Variants in SIN3A observed in about 807,000 individuals in gnomAD.
SIN3A encodes paired amphipathic helix protein Sin3a.
Under a neutral mutation model 146.1 loss-of-function variants are expected in SIN3A, and 14 were observed. The ratio of observed to expected loss-of-function variants is 0.10; its 90% CI spans 0.06 to 0.15. SIN3A has a LOEUF of 0.15. Among genes scored for constraint, SIN3A ranks in the 10% least tolerant of loss-of-function variants. SIN3A has a pLI of 1.00. For synonymous variants in SIN3A, 572 were observed against 572.0 expected (o/e 1.00, Z 0.00); for missense variants, 1,028 against 1,576.0 (o/e 0.65, Z 5.89).
intron 7 of SIN3A, 42 bp downstream of exon 7, chr15:75,410,087 CTAAGA>C: frequency 6.2e-7 from 1 of 1,604,898 alleles, no homozygotes; most frequent in Non-Finnish European, 8.5e-7. Flanking sequence ...TCCAACTCAT[CTAAGA>C]TAATAATAGT....
chr15:75,442,975 G>A (rs1271506002), intron 1 of SIN3A, among the ~76,000 whole-genome samples: 2 of 151,012 alleles, frequency 1.3e-5, no homozygotes, highest in African/African-American at 2.4e-5. Context: ...AACTCATCTA[G>A]GGTACAGTCA....
rs2073990204 is a variant in SIN3A at position 75,430,103 on chromosome 15, C to T, written c.189+84G>A. On this transcript the variant is annotated intron_variant, in intron 2 of 20. Coordinates refer to ENST00000394947, the MANE Select transcript of SIN3A (RefSeq NM_001145358.2). ...ATACTCAACAATTTTTAATATCTAA[C>T]ACAGTATTAAAAAAAGTTTTATAAT... The T allele has an allele frequency of 1.4e-5, 14 of 983,602 alleles. No homozygotes were observed. The East Asian group carries it at 3.3e-4, about 23-fold the overall frequency. The allele number at this position is 983,602 out of a possible 1,614,324, so 60.9% of individuals were successfully genotyped here.
At chr15:75,431,213 C>T (rs1363754897) in intron 1 of SIN3A, among the ~76,000 whole-genome samples, 2 of 152,186 alleles carry the variant, frequency 1.3e-5, no homozygotes, top group African/African-American at 4.8e-5. Flanking sequence ...CTAGACTTGC[C>T]AATTTAAGAT....
intron 1 of SIN3A, among the ~76,000 whole-genome samples, chr15:75,448,513 G>C (rs1382393559): frequency 1.3e-5 from 2 of 151,072 alleles, no homozygotes; most frequent in East Asian, 3.9e-4. Flanking sequence ...AAAAAGTCTA[G>C]TGCCTAACAC....
At chr15:75,380,998 C>G (rs2072953851) in intron 18 of SIN3A, 2 of 272,016 alleles carry the variant, frequency 7.4e-6, no homozygotes, top group South Asian at 1.9e-4. Context: ...TTCATTTCCC[C>G]ACAGAGCATT....
intron 2 of SIN3A, among the ~76,000 whole-genome samples, chr15:75,425,464 G>A (rs2073909588): frequency 6.6e-6 from 1 of 152,130 alleles, no homozygotes; most frequent in African/African-American, 2.4e-5. Context: ...CACCGCGCCT[G>A]GCCTACTTGG....
chr15:75,410,365 T>C lies in SIN3A; in HGVS notation c.1009-79A>G, dbSNP rs2073609262. ...ATCTTTGCACGCTTTCTGGAATCAC[T>C]GTTATCTATTTAGGCTGCATGTAAG... On this transcript the variant is annotated intron_variant, in intron 6 of 20. Coordinates refer to ENST00000394947, the MANE Select transcript of SIN3A (RefSeq NM_001145358.2). The C allele has an allele frequency of 2.9e-6, 4 of 1,387,078 alleles. No individual in the cohort carries two copies. In the Admixed American group the frequency reaches 7.6e-5, roughly 26 times the overall value. 85.9% of individuals were successfully genotyped at this position (1,387,078 alleles called of 1,614,324 possible).
At chr15:75,411,135 T>C (rs1245986776) in intron 6 of SIN3A, among the ~76,000 whole-genome samples, 2 of 152,192 alleles carry the variant, frequency 1.3e-5, no homozygotes, top group African/African-American at 2.4e-5. Flanking sequence ...GAGACCAGCC[T>C]AGCCAACATA....
At chr15:75,393,035 GC>G (rs1462756907) in intron 14 of SIN3A, among the ~76,000 whole-genome samples, 1 of 152,176 alleles carries the variant, frequency 6.6e-6, no homozygotes, top group African/African-American at 2.4e-5. Flanking sequence ...TTTGAGATCA[GC>G]CTGGCCAATA....
At chr15:75,383,697 T>G (rs929649885) in intron 17 of SIN3A, among the ~76,000 whole-genome samples, 5 of 151,974 alleles carry the variant, frequency 3.3e-5, no homozygotes, top group African/African-American at 1.2e-4. Context: ...CCCGGCTAAT[T>G]TTTTGTATTT....
rs2073308932 is a variant in SIN3A, at chr15:75,396,585, C to A, written c.1855-89G>T. On this transcript the variant is annotated intron_variant, in intron 12 of 20. Transcript: ENST00000394947. ...TAGAAGAATAAGGTAGGGAGTCAAA[C>A]TCCTTGGATTTGAATCCTGGTTCTG... The A allele has an allele frequency of 2.6e-5, 25 of 946,352 alleles. No individual in the cohort carries two copies. The South Asian group carries it at 4.0e-4, about 15-fold the overall frequency. 58.6% of individuals were successfully genotyped at this position (946,352 alleles called of 1,614,324 possible). A position where few individuals can be genotyped will look rare whatever the true frequency, so the allele number is the denominator to read the frequency against.
At chr15:75,392,893 C>T (rs947070431) in intron 14 of SIN3A, 78 bp from the exon 15 acceptor site, 15 of 1,054,388 alleles carry the variant, frequency 1.4e-5, no homozygotes, top group Admixed American at 8.8e-5. Context: ...ATCAGCCATA[C>T]ATCCCATTAT....
chr15:75,442,680 A>G (rs957837085), intron 1 of SIN3A, among the ~76,000 whole-genome samples: 3 of 151,674 alleles, frequency 2.0e-5, no homozygotes, highest in African/African-American at 7.3e-5. Flanking sequence ...CTGTAATCCC[A>G]GCACTTTGGG....
chr15:75,397,274 G>C (rs1405497169), intron 12 of SIN3A, among the ~76,000 whole-genome samples: 1 of 152,202 alleles, frequency 6.6e-6, no homozygotes, highest in Non-Finnish European at 1.5e-5. Flanking sequence ...GAATGTGGTA[G>C]TCATTTGGTC....
At chr15:75,438,087 G>A (rs189514001) in intron 1 of SIN3A, among the ~76,000 whole-genome samples, 326 of 152,284 alleles carry the variant, frequency 2.1e-3, no homozygotes, top group African/African-American at 7.1e-3. Flanking sequence ...AAAACTGGGC[G>A]CGGTGGTTCA....
intron 1 of SIN3A, among the ~76,000 whole-genome samples, chr15:75,432,403 TTGGCCGGATGCAG>T (rs2074027423): frequency 6.6e-6 from 1 of 152,142 alleles, no homozygotes; most frequent in African/African-American, 2.4e-5. Flanking sequence ...CAATACTTTA[TTGGCCGGATGCAG>T]TGGCTCACAC....
intron 2 of SIN3A, 77 bp downstream of exon 2, chr15:75,430,110 T>C (rs550309634): frequency 7.1e-6 from 8 of 1,122,204 alleles, no homozygotes; most frequent in African/African-American, 1.6e-5. Flanking sequence ...TAACACAGTA[T>C]TAAAAAAAGT....
chr15:75,410,416 G>T (rs768073923), intron 6 of SIN3A, 130 bp from the exon 7 acceptor site: 4 of 807,076 alleles, frequency 5.0e-6, no homozygotes, highest in East Asian at 2.7e-5. Context: ...CTTAGCACCC[G>T]TTCTGACCAC....
chr15:75,412,382 CTAGT>C (rs1315799462), intron 5 of SIN3A, among the ~76,000 whole-genome samples: 2 of 152,222 alleles, frequency 1.3e-5, no homozygotes, highest in Non-Finnish European at 2.9e-5. Context: ...TTGATATAAT[CTAGT>C]TAGTGAAATA....
Sources: gnomAD v4.1 joint callset for allele counts (sites outside exome capture counted in the v4.1 genomes callset) on GRCh38, gnomAD v4.1.1 for gene constraint, MANE v1.5 for transcripts, NCBI Gene and HGNC (gene_info 2026-07-23, HGNC 2026-07-21) for gene names.